Variants in EPB41L3 observed in about 807,000 individuals in gnomAD.
EPB41L3 encodes erythrocyte membrane protein band 4.1 like 3.
EPB41L3 carries 57 observed loss-of-function variants against 127.1 expected under a neutral mutation model. The observed-to-expected ratio is 0.45, with a 90% CI of 0.36 to 0.56. EPB41L3 has a LOEUF of 0.56. EPB41L3 is among the 20% of genes least tolerant of loss of function. The pLI is 0.00. For synonymous variants in EPB41L3, 572 were observed against 549.5 expected (o/e 1.04, Z -0.57); for missense variants, 1,273 against 1,372.2 (o/e 0.93, Z 1.14).
chr18:5,566,435 C>T (rs1227786089), intron 3 of EPB41L3, among the ~76,000 whole-genome samples: 1 of 152,138 alleles, frequency 6.6e-6, no homozygotes, highest in East Asian at 1.9e-4. Context: ...AGGAGAACTA[C>T]AAACCACTGC....
At chr18:5,446,485 G>T (rs191657816) in intron 3 of EPB41L3, among the ~76,000 whole-genome samples, 1 of 152,124 alleles carries the variant, frequency 6.6e-6, no homozygotes, top group African/African-American at 2.4e-5. Context: ...TTGTTTGTGC[G>T]CTACTAACAT....
chr18:5,517,090 C>A (rs761354931), intron 1 of EPB41L3, among the ~76,000 whole-genome samples: 25 of 152,124 alleles, frequency 1.6e-4, no homozygotes, highest in Non-Finnish European at 3.5e-4. Context: ...GCAACATCGT[C>A]TTGTCGGTTC....
chr18:5,608,084 G>C (rs575160578), intron 3 of EPB41L3, among the ~76,000 whole-genome samples: 1 of 152,124 alleles, frequency 6.6e-6, no homozygotes, highest in South Asian at 2.1e-4. Flanking sequence ...ATTAGACAAT[G>C]AAAAAGGTTC....
intron 6 of EPB41L3, 21 bp downstream of exon 6, chr18:5,438,014 G>A (rs2080120041): frequency 3.1e-6 from 5 of 1,609,846 alleles, no homozygotes; most frequent in Non-Finnish European, 4.2e-6. Flanking sequence ...CTTGTCTTTT[G>A]CATAGCCAAC....
intron 2 of EPB41L3, among the ~76,000 whole-genome samples, chr18:5,488,608 A>AATAATAATAATAAT (rs2090181568): frequency 7.0e-6 from 1 of 142,522 alleles, no homozygotes; most frequent in African/African-American, 2.8e-5. Flanking sequence ...ATAATAATAA[A>AATAATAATAATAAT]AGCAGATCTG....
intron 3 of EPB41L3, among the ~76,000 whole-genome samples, chr18:5,471,841 A>G (rs1047931429): frequency 4.6e-5 from 7 of 152,168 alleles, no homozygotes; most frequent in Non-Finnish European, 8.8e-5. Flanking sequence ...ACATTTGGGA[A>G]ATGAATCCTG....
At chr18:5,541,250 C>T (rs1161705988) in intron 1 of EPB41L3, among the ~76,000 whole-genome samples, 1 of 20,306 alleles carries the variant, frequency 4.9e-5, no homozygotes. Flanking sequence ...AGGACTCCAT[C>T]TCAAAAAAAA....
intron 3 of EPB41L3, among the ~76,000 whole-genome samples, chr18:5,563,032 G>A (rs922479383): frequency 1.3e-5 from 2 of 152,186 alleles, no homozygotes; most frequent in Non-Finnish European, 2.9e-5. Context: ...CTGGAAATAA[G>A]CTCAGGTAGT....
chr18:5,446,313 T>A (rs1332758816), intron 3 of EPB41L3, among the ~76,000 whole-genome samples: 2 of 152,160 alleles, frequency 1.3e-5, no homozygotes, highest in African/African-American at 4.8e-5. Flanking sequence ...TTTCTGACCA[T>A]CAAGCCAGCA....
At chr18:5,592,918 T>C (rs1431783463) in intron 3 of EPB41L3, among the ~76,000 whole-genome samples, 2 of 152,214 alleles carry the variant, frequency 1.3e-5, no homozygotes, top group East Asian at 1.9e-4. Flanking sequence ...AAAACAACTT[T>C]GTATCTTTCG....
Position 5,489,179 on chromosome 18 carries a change from G to A in EPB41L3, c.5C>T (p.Thr2Met). Reference protein sequence around the residue: MTTESGSDSESK... With the variant: MMTESGSDSESK... ...TTCCGAGTCTGATCCAGATTCGGTC[G>A]TCATGGTTGATTGTTCTGCAAGCAG... Residue 2 changes from threonine to methionine, a missense_variant, in exon 2 of 23, where the codon ACG becomes ATG. By Grantham distance (81) the Thr-to-Met change is moderately conservative. Transcript: ENST00000341928. 1.3e-6 allele frequency: 2 copies of A among 1,593,390 alleles called. No homozygotes were observed. Among genetic ancestry groups the A allele is most frequent in the Non-Finnish European group, 1.7e-6 (2 of 1,174,040 alleles).
rs551756882 is a variant in EPB41L3 at position 5,480,617 on chromosome 18, A to G, written c.184-2179T>C. ...TAGCCTGAATCAAAGAATTTTGTGG[A>G]AGAATCTCAGAAATTATCTTTTCTG... On this transcript the variant is annotated intron_variant, in intron 2 of 22. Coordinates refer to ENST00000341928, the MANE Select transcript of EPB41L3 (RefSeq NM_012307.5). Among the ~76,000 whole-genome samples the G allele has an allele frequency of 1.4e-3, 208 of 152,336 alleles. 2 individuals are homozygous for G. The highest frequency in any genetic ancestry group is 4.8e-3 in the African/African-American group (199 of 41,574).
intron 1 of EPB41L3, among the ~76,000 whole-genome samples, chr18:5,525,764 C>T (rs1263835896): frequency 6.6e-6 from 1 of 152,134 alleles, no homozygotes; most frequent in African/African-American, 2.4e-5. Context: ...TTAGAGAATG[C>T]ATTCTCTTTC....
chr18:5,573,111 C>T (rs1184994673), intron 3 of EPB41L3, among the ~76,000 whole-genome samples: 1 of 152,214 alleles, frequency 6.6e-6, no homozygotes, highest in African/African-American at 2.4e-5. Flanking sequence ...AAGTCAGGAA[C>T]TTCTTGCATT....
At chr18:5,445,923 C>T (rs1258466642) in intron 3 of EPB41L3, among the ~76,000 whole-genome samples, 1 of 152,158 alleles carries the variant, frequency 6.6e-6, no homozygotes, top group Non-Finnish European at 1.5e-5. Flanking sequence ...CATCCCAAAA[C>T]CATCCTCCAC....
At chr18:5,600,684 AT>A (rs2094581198) in intron 3 of EPB41L3, among the ~76,000 whole-genome samples, 1 of 152,222 alleles carries the variant, frequency 6.6e-6, no homozygotes, top group Non-Finnish European at 1.5e-5. Flanking sequence ...CGTTTTAAAA[AT>A]ATATCCTTAA....
chr18:5,495,191 AAGGCC>A (rs2091034316), intron 1 of EPB41L3, among the ~76,000 whole-genome samples: 1 of 152,222 alleles, frequency 6.6e-6, no homozygotes, highest in South Asian at 2.1e-4. Context: ...TCAAATCTTG[AAGGCC>A]AATACACCAG....
At chr18:5,628,380 A>C (rs901172079) in intron 1 of EPB41L3, among the ~76,000 whole-genome samples, 2 of 152,188 alleles carry the variant, frequency 1.3e-5, no homozygotes, top group Non-Finnish European at 2.9e-5. Flanking sequence ...GGAGTTGCGG[A>C]CTGGCGGGGG....
intron 3 of EPB41L3, among the ~76,000 whole-genome samples, chr18:5,447,775 A>G (rs2081717936): frequency 6.6e-6 from 1 of 152,146 alleles, no homozygotes; most frequent in African/African-American, 2.4e-5. Flanking sequence ...TGTTAATGCT[A>G]CCTGGCTCTC....
Sources: allele counts gnomAD v4.1 joint callset (sites outside exome capture counted in the v4.1 genomes callset), GRCh38; gene constraint gnomAD v4.1.1; transcripts MANE v1.5; gene names NCBI Gene and HGNC (gene_info 2026-07-23, HGNC 2026-07-21).